Variants in SPAG17 observed in about 807,000 individuals in gnomAD.
The protein encoded by SPAG17 is sperm-associated antigen 17.
A neutral mutation model predicts 273.6 loss-of-function variants in SPAG17; 169 were observed. That is an observed-to-expected ratio of 0.62 (90% confidence interval 0.55 to 0.70). SPAG17 has a LOEUF of 0.70. Among genes scored for constraint, SPAG17 ranks in the 30% least tolerant of loss-of-function variants. The probability of loss-of-function intolerance (pLI) is 0.00; values close to 1 mark genes in which losing one functional copy is unlikely to be tolerated. For synonymous variants in SPAG17, 825 were observed against 873.2 expected (o/e 0.94, Z 0.97); for missense variants, 2,557 against 2,627.8 (o/e 0.97, Z 0.59).
At chr1:118,098,262 C>T (rs1655841141) in intron 6 of SPAG17, among the ~76,000 whole-genome samples, 1 of 152,076 alleles carries the variant, frequency 6.6e-6, no homozygotes, top group Non-Finnish European at 1.5e-5. Context: ...TCTGGTTCTC[C>T]TTCTTATATT....
At chr1:118,035,270 GT>G (rs764184740) in intron 24 of SPAG17, among the ~76,000 whole-genome samples, 11 of 152,112 alleles carry the variant, frequency 7.2e-5, no homozygotes, top group Non-Finnish European at 1.3e-4. Flanking sequence ...AGGAACATCT[GT>G]TTAAAATGGA....
chr1:118,023,783 G>A (rs904221617), intron 27 of SPAG17, among the ~76,000 whole-genome samples: 16 of 151,506 alleles, frequency 1.1e-4, no homozygotes, highest in African/African-American at 3.2e-4. Flanking sequence ...TCTCCTTTGC[G>A]ATTGGGAAAT....
chr1:118,072,792 G>T (rs1424783379), intron 17 of SPAG17, among the ~76,000 whole-genome samples: 1 of 152,118 alleles, frequency 6.6e-6, no homozygotes, highest in African/African-American at 2.4e-5. Context: ...GTGCTAATGT[G>T]AATGTGGGGG....
At chr1:118,153,205 G>T (rs1257314536) in intron 1 of SPAG17, among the ~76,000 whole-genome samples, 1 of 152,168 alleles carries the variant, frequency 6.6e-6, no homozygotes, top group Non-Finnish European at 1.5e-5. Flanking sequence ...GAGAGGAGGG[G>T]CAAGAGGGAA....
intron 29 of SPAG17, 79 bp from the exon 30 acceptor site, chr1:118,012,451 G>C (rs542415732): frequency 1.2e-5 from 17 of 1,471,664 alleles, no homozygotes; most frequent in Middle Eastern, 1.8e-4. Flanking sequence ...CATTGAATAC[G>C]AAGATGGCAC....
At position 118,066,908 on chromosome 1, in the gene SPAG17, C is replaced by A; in HGVS notation, c.2386-9G>T. ...TGGGCTTCTTGAAGGACCTGAAAATCAAAATAATTGCATTGTAGAATCTTT... is the reference window on the plus strand; with the variant it reads ...TGGGCTTCTTGAAGGACCTGAAAATAAAAATAATTGCATTGTAGAATCTTT... On this transcript the variant is annotated splice_polypyrimidine_tract_variant and intron_variant, in intron 17 of 48. Transcript: ENST00000336338. The A allele has an allele frequency of 8.1e-6, 13 of 1,596,852 alleles. No homozygotes were observed. The highest frequency in any genetic ancestry group is 2.3e-5 in the South Asian group (2 of 87,222).
In SPAG17 at chr1:118,178,362, G is replaced by A. The variant is rs1405840749; in HGVS notation, c.87+6709C>T. The stretch of plus-strand genomic sequence containing the variant: ...CAAAACATATATGATCATTTCAATA[G>A]ATGATGAAAAAGCATTTGACAAAAT... On this transcript the variant is annotated intron_variant, in intron 1 of 48. Transcript: ENST00000336338. Among the ~76,000 whole-genome samples the A allele has an allele frequency of 2.0e-5, 3 of 152,134 alleles. 1 individual carries two copies. Among genetic ancestry groups the A allele is most frequent in the Middle Eastern group, 6.8e-3 (2 of 294 alleles).
At chr1:117,993,492 G>A (rs1657325916) in intron 35 of SPAG17, among the ~76,000 whole-genome samples, 1 of 152,182 alleles carries the variant, frequency 6.6e-6, no homozygotes, top group African/African-American at 2.4e-5. Flanking sequence ...GAGACCCAGT[G>A]TGACTTGTCC....
chr1:117,999,686 T>C (rs1658055974), intron 32 of SPAG17, among the ~76,000 whole-genome samples: 1 of 152,202 alleles, frequency 6.6e-6, no homozygotes. Context: ...TTTTTTCTTG[T>C]AAATTTGTTT....
chr1:118,099,653 T>C lies in SPAG17; in HGVS notation c.782A>G (p.His261Arg). The change falls in exon 6 of 49, where the codon CAC becomes CGC. Residue 261 changes from histidine to arginine, a missense_variant. His to Arg is a conservative substitution (Grantham distance 29). Coordinates refer to ENST00000336338, the MANE Select transcript of SPAG17 (RefSeq NM_206996.4). Reference sequence around the variant, plus strand: ...CTGCTGCTGGTTAACTGCTGCCAGGTGTGTCTGCAGAGGTTCATAATTCTC... The same window carrying C: ...CTGCTGCTGGTTAACTGCTGCCAGGCGTGTCTGCAGAGGTTCATAATTCTC... Reference protein sequence around the residue: ...SSENYEPLQTHLAAVNQQQEV... With the variant: ...SSENYEPLQTRLAAVNQQQEV... 2 of 1,614,104 alleles carry C rather than the reference T, an allele frequency of 1.2e-6. No individual in the cohort carries two copies. The highest frequency in any genetic ancestry group is 1.7e-6 in the Non-Finnish European group (2 of 1,179,944).
chr1:117,987,635 GATCT>G (rs1165444817), intron 40 of SPAG17, among the ~76,000 whole-genome samples, 195 bp downstream of exon 40: 2 of 152,140 alleles, frequency 1.3e-5, no homozygotes, highest in Non-Finnish European at 1.5e-5. Flanking sequence ...AGAGGAAGAG[GATCT>G]ATCTAATGGT....
At chr1:118,036,968 G>T in intron 23 of SPAG17, 85 bp from the exon 24 acceptor site, 1 of 897,288 alleles carries the variant, frequency 1.1e-6, no homozygotes, top group Non-Finnish European at 1.7e-6. Context: ...TGGGAATGGA[G>T]TTCATAGCTG....
At chr1:118,165,537 C>A (rs1317946979) in intron 1 of SPAG17, among the ~76,000 whole-genome samples, 7 of 151,346 alleles carry the variant, frequency 4.6e-5, no homozygotes, top group African/African-American at 1.7e-4. Context: ...TAGGTTGGTG[C>A]CAAATTCATA....
intron 19 of SPAG17, 145 bp downstream of exon 19, chr1:118,055,588 T>C: frequency 1.6e-6 from 1 of 643,010 alleles, no homozygotes; most frequent in African/African-American, 1.8e-5. Context: ...GCAGCTACTC[T>C]ATTTACTAGA....
intron 15 of SPAG17, among the ~76,000 whole-genome samples, chr1:118,078,224 C>A (rs149970991): frequency 1.3e-5 from 2 of 152,246 alleles, no homozygotes; most frequent in African/African-American, 2.4e-5. Context: ...TTAGTCAATA[C>A]TAACTTAACA....
intron 3 of SPAG17, among the ~76,000 whole-genome samples, chr1:118,136,383 T>C (rs927585697): frequency 1.9e-4 from 29 of 152,186 alleles, no homozygotes; most frequent in Admixed American, 3.3e-4. Flanking sequence ...TCTCCCCGAA[T>C]GCATGTACAT....
rs200375421 is a variant in SPAG17, at chr1:118,020,635, CA to C, written c.4069+2668del. Among the ~76,000 whole-genome samples, 83 of 151,992 alleles carry C rather than the reference CA, an allele frequency of 5.5e-4. 2 individuals are homozygous for C. The East Asian group carries it at 0.013, about 23-fold the overall frequency. On this transcript the variant is annotated intron_variant, in intron 28 of 48. Transcript: ENST00000336338. Reference sequence around the variant, plus strand: ...AATAATGATTAAATTATAAGGAACGCAGCACCAAAGAGATTATTCTAGCTTT... The same window carrying C: ...AATAATGATTAAATTATAAGGAACGCGCACCAAAGAGATTATTCTAGCTTT...
chr1:117,971,521 C>CT (rs1044870730), intron 45 of SPAG17, among the ~76,000 whole-genome samples: 55 of 152,226 alleles, frequency 3.6e-4, no homozygotes, highest in Admixed American at 3.6e-3. Context: ...GAGAAAAAGA[C>CT]TTTCAATTAT....
At chr1:118,136,801 A>G (rs111808353) in intron 3 of SPAG17, among the ~76,000 whole-genome samples, 218 of 147,250 alleles carry the variant, frequency 1.5e-3, no homozygotes, top group Middle Eastern at 6.8e-3. Flanking sequence ...GTGTGTGTGT[A>G]TGTGTGTGTG....
Sources: allele counts gnomAD v4.1 joint callset (sites outside exome capture counted in the v4.1 genomes callset), GRCh38; gene constraint gnomAD v4.1.1; transcripts MANE v1.5; gene names NCBI Gene and HGNC (gene_info 2026-07-23, HGNC 2026-07-21).